The following RGL1 variants were observed in gnomAD, a reference collection of about 807,000 sequenced individuals.
RGL1 encodes ral guanine nucleotide dissociation stimulator-like 1.
Under a neutral mutation model 95.2 loss-of-function variants are expected in RGL1, and 24 were observed. That is an observed-to-expected ratio of 0.25 (90% CI 0.18 to 0.35). The LOEUF (loss-of-function observed/expected upper bound fraction) is 0.35. Among genes scored for constraint, RGL1 ranks in the 10% least tolerant of loss-of-function variants. The pLI is 1.00. For synonymous variants in RGL1, 329 were observed against 344.9 expected (o/e 0.95, Z 0.51); for missense variants, 715 against 936.3 (o/e 0.76, Z 3.08).
At chr1:183,687,864 TA>T (rs1386402472) in intron 1 of RGL1, among the ~76,000 whole-genome samples, 1 of 152,188 alleles carries the variant, frequency 6.6e-6, no homozygotes, top group African/African-American at 2.4e-5. Flanking sequence ...CTATATATTT[TA>T]AAAAATCAAT....
intron 2 of RGL1, among the ~76,000 whole-genome samples, chr1:183,759,194 G>T (rs1658517497): frequency 1.3e-5 from 2 of 152,206 alleles, no homozygotes; most frequent in African/African-American, 2.4e-5. Context: ...TATTCTGCAT[G>T]GGAAGACACG....
chr1:183,835,512 T>C (rs1199853065), intron 2 of RGL1, among the ~76,000 whole-genome samples: 1 of 152,202 alleles, frequency 6.6e-6, no homozygotes, highest in East Asian at 1.9e-4. Flanking sequence ...CCTTGAGCCC[T>C]TGGGTTAAGT....
At chr1:183,768,071 T>C (rs1041778943) in intron 2 of RGL1, among the ~76,000 whole-genome samples, 2 of 152,128 alleles carry the variant, frequency 1.3e-5, no homozygotes, top group African/African-American at 4.8e-5. Flanking sequence ...TCTCAAATTT[T>C]CTCTCAGGTT....
intron 2 of RGL1, among the ~76,000 whole-genome samples, chr1:183,762,812 C>T (rs571052250): frequency 6.6e-6 from 1 of 152,170 alleles, no homozygotes; most frequent in Non-Finnish European, 1.5e-5. Flanking sequence ...TTAGTTCAAC[C>T]ATTGTGGAAG....
upstream of RGL1, among the ~76,000 whole-genome samples, chr1:183,800,696 T>G (rs1660942576): frequency 6.6e-6 from 1 of 152,188 alleles, no homozygotes; most frequent in African/African-American, 2.4e-5. Flanking sequence ...CCATTCTACT[T>G]CCTGCTTCTA....
chr1:183,663,636 C>T (rs1293406884), intron 1 of RGL1, among the ~76,000 whole-genome samples: 1 of 151,786 alleles, frequency 6.6e-6, no homozygotes, highest in Non-Finnish European at 1.5e-5. Flanking sequence ...TAGTTCAACC[C>T]TTGTGGAAGT....
intron 3 of RGL1, among the ~76,000 whole-genome samples, chr1:183,850,218 C>T (rs1042231882): frequency 2.0e-5 from 3 of 152,072 alleles, no homozygotes; most frequent in Non-Finnish European, 4.4e-5. Flanking sequence ...TTCTTTTGGA[C>T]TCTTTTCATC....
upstream of RGL1, chr1:183,805,105 C>T (rs953184638): frequency 1.4e-5 from 8 of 568,518 alleles, no homozygotes; most frequent in African/African-American, 1.4e-4. Flanking sequence ...CTCGCTCGCT[C>T]GCCGCGCTCC....
chr1:183,898,676 A>G (rs184264031), intron 10 of RGL1, among the ~76,000 whole-genome samples: 3 of 152,244 alleles, frequency 2.0e-5, no homozygotes, highest in South Asian at 4.1e-4. Context: ...CAGTGTTACA[A>G]ACTTTTTTGG....
chr1:183,920,355 G>T (rs373791006), intron 16 of RGL1, among the ~76,000 whole-genome samples: 63 of 152,252 alleles, frequency 4.1e-4, no homozygotes, highest in African/African-American at 1.3e-3. Context: ...TTTAATTGTG[G>T]CTACTAGAAA....
In RGL1 at chr1:183,817,519, C is replaced by T. The variant is rs192810990; in HGVS notation, c.138+11034C>T. Among the ~76,000 whole-genome samples the T allele has an allele frequency of 1.2e-3, 183 of 151,910 alleles. No individual in the cohort carries two copies. In the Middle Eastern group the frequency reaches 0.014, roughly 11 times the overall value. ...GTCTTTGGCTGCTCGGCCACAAATC[C>T]GACCTTCCTTCTATTCATATGGGAT... On this transcript the variant is annotated intron_variant, in intron 2 of 17. Transcript: ENST00000360851.
intron 2 of RGL1, among the ~76,000 whole-genome samples, chr1:183,759,729 T>C (rs1658553901): frequency 6.6e-6 from 1 of 152,226 alleles, no homozygotes; most frequent in Admixed American, 6.5e-5. Flanking sequence ...TTGTTGCCAG[T>C]CTCAAGATTC....
At chr1:183,886,843 T>C (rs1667137630) in intron 7 of RGL1, among the ~76,000 whole-genome samples, 1 of 152,122 alleles carries the variant, frequency 6.6e-6, no homozygotes, top group Non-Finnish European at 1.5e-5. Flanking sequence ...CTAATATGAC[T>C]ATATTTTCTT....
chr1:183,779,581 C>T (rs1235599942), intron 2 of RGL1, among the ~76,000 whole-genome samples: 2 of 152,078 alleles, frequency 1.3e-5, no homozygotes, highest in African/African-American at 2.4e-5. Flanking sequence ...GAGATCAAGA[C>T]GTGCTCAGGT....
At chr1:183,654,330 T>C (rs1650985987) in intron 1 of RGL1, among the ~76,000 whole-genome samples, 1 of 152,234 alleles carries the variant, frequency 6.6e-6, no homozygotes, top group Non-Finnish European at 1.5e-5. Context: ...CAGTTTGCCA[T>C]GGGTCATCCC....
intron 2 of RGL1, among the ~76,000 whole-genome samples, chr1:183,833,294 A>G (rs1386031995): frequency 6.6e-6 from 1 of 152,222 alleles, no homozygotes; most frequent in Non-Finnish European, 1.5e-5. Flanking sequence ...CCAAGCTTTT[A>G]TTAATCAACT....
chr1:183,752,660 A>C (rs1658082787), intron 2 of RGL1, among the ~76,000 whole-genome samples: 1 of 70,754 alleles, frequency 1.4e-5, no homozygotes, highest in Admixed American at 1.4e-4. Context: ...ACAGTAACAC[A>C]TCTCTTTCTC....
rs118035384 is a variant in RGL1, at chr1:183,907,151, C to T, written c.1562+50C>T. 3.5e-3 allele frequency: 3,803 copies of T among 1,096,634 alleles called. 119 individuals carry two copies. In the Admixed American group the frequency reaches 0.055, roughly 16 times the overall value. 67.9% of individuals were successfully genotyped at this position (1,096,634 alleles called of 1,614,324 possible). On this transcript the variant is annotated intron_variant, in intron 14 of 17. Transcript: ENST00000360851. ...GGCTCCAAGAGGGTGCCATCAGAGT[C>T]GTGAGAGGAGATGTATTCAACAGGA...
intron 3 of RGL1, among the ~76,000 whole-genome samples, chr1:183,860,023 T>C (rs2102575661): frequency 6.6e-6 from 1 of 152,324 alleles, no homozygotes; most frequent in Non-Finnish European, 1.5e-5. Flanking sequence ...ACCCATGTCG[T>C]TCTCCTGAGT....
Sources: gnomAD v4.1 joint callset for allele counts (sites outside exome capture counted in the v4.1 genomes callset) on GRCh38, gnomAD v4.1.1 for gene constraint, MANE v1.5 for transcripts, NCBI Gene and HGNC (gene_info 2026-07-23, HGNC 2026-07-21) for gene names.